IQGAP1: variants seen among roughly 807,000 people sequenced by gnomAD.
IQGAP1 encodes the protein ras GTPase-activating-like protein IQGAP1.
In IQGAP1, 66 loss-of-function variants were observed where a neutral mutation model predicts 215.6. The ratio of observed to expected loss-of-function variants is 0.31; its 90% CI spans 0.25 to 0.38. The LOEUF (loss-of-function observed/expected upper bound fraction) is 0.38, where lower values mean the gene tolerates loss of function less well. IQGAP1 is among the 10% of genes least tolerant of loss of function. IQGAP1 has a pLI of 1.00. For synonymous variants in IQGAP1, 772 were observed against 728.7 expected (o/e 1.06, Z -0.96); for missense variants, 1,712 against 1,997.1 (o/e 0.86, Z 2.72).
At chr15:90,479,791 C>T (rs1292682680) in intron 26 of IQGAP1, among the ~76,000 whole-genome samples, 2 of 151,956 alleles carry the variant, frequency 1.3e-5, no homozygotes, top group East Asian at 1.9e-4. Context: ...GTTCTCAGTA[C>T]CATGTAGGTC....
At position 90,501,480 on chromosome 15, in the gene IQGAP1, T is replaced by C. The variant is rs1391909898; in HGVS notation, c.*1372T>C. 1.3e-5 allele frequency: 2 copies of C among 152,214 alleles called. No individual in the cohort carries two copies. The highest frequency in any genetic ancestry group is 4.8e-5 in the African/African-American group (2 of 41,464). The allele number at this position is 152,214 out of a possible 1,614,324, so 9.4% of individuals were successfully genotyped here. ...TCTTTGATGTTTTGATTCAGTATTC[T>C]TTTATCATAAATTTTTAGCATTTAA... On this transcript the variant is annotated 3_prime_UTR_variant, in exon 38 of 38. Coordinates refer to ENST00000268182, the MANE Select transcript of IQGAP1 (RefSeq NM_003870.4).
chr15:90,474,023 A>T, intron 21 of IQGAP1, 41 bp from the exon 22 acceptor site: 2 of 1,600,976 alleles, frequency 1.2e-6, no homozygotes, highest in East Asian at 4.5e-5. Context: ...TATTTTTGGT[A>T]GACAGATGAA....
rs147271290 is a variant in IQGAP1 at position 90,407,967 on chromosome 15, T to C, written c.155+17094T>C. 2.0e-5 allele frequency among the ~76,000 whole-genome samples: 3 copies of C among 152,324 alleles called. No individual in the cohort carries two copies. In the South Asian group the frequency reaches 6.2e-4, roughly 32 times the overall value. ...TCAGTGTCACAAGGCAATATGTAAT[T>C]GCTGAGGAAATGATGCAAATAGTTA... On this transcript the variant is annotated intron_variant, in intron 2 of 37. Transcript: ENST00000268182.
At chr15:90,468,925 A>AC (rs1476104937) in intron 18 of IQGAP1, among the ~76,000 whole-genome samples, 1 of 151,990 alleles carries the variant, frequency 6.6e-6, no homozygotes, top group Non-Finnish European at 1.5e-5. Flanking sequence ...TCCTTTCCTT[A>AC]CCCCCTTCAT....
chr15:90,400,877 G>A (rs139283944), intron 2 of IQGAP1, among the ~76,000 whole-genome samples: 1 of 152,154 alleles, frequency 6.6e-6, no homozygotes, highest in Non-Finnish European at 1.5e-5. Flanking sequence ...GTCACATCTG[G>A]GGATACCAGT....
chr15:90,473,103 T>A, intron 19 of IQGAP1, 93 bp downstream of exon 19: 5 of 1,188,958 alleles, frequency 4.2e-6, no homozygotes, highest in Non-Finnish European at 6.1e-6. Context: ...TGAGTGTGTT[T>A]TTTGAGTGCT....
chr15:90,468,494 A>G (rs1400223532), intron 18 of IQGAP1, among the ~76,000 whole-genome samples: 2 of 152,208 alleles, frequency 1.3e-5, no homozygotes, highest in African/African-American at 2.4e-5. Context: ...ATATCTGTCA[A>G]AATTCTTTCC....
chr15:90,443,485 A>T lies in IQGAP1; in HGVS notation c.913+7A>T. The T allele has an allele frequency of 6.5e-7, 1 of 1,541,176 alleles. No individual in the cohort carries two copies. Among genetic ancestry groups the T allele is most frequent in the Non-Finnish European group, 9.0e-7 (1 of 1,114,142 alleles). ...AATATAAACAAAGTCAATAGTAAGT[A>T]TGTTCCTGAATCAGGCACCTAAAGG... On this transcript the variant is annotated splice_region_variant and intron_variant, in intron 9 of 37. Transcript: ENST00000268182.
intron 31 of IQGAP1, chr15:90,486,378 C>T (rs1017341686): frequency 3.2e-6 from 1 of 310,070 alleles, no homozygotes; most frequent in Non-Finnish European, 5.8e-6. Context: ...TACATACTGC[C>T]AGCTTGTGTT....
At chr15:90,391,080 T>A (rs961829278) in intron 2 of IQGAP1, 3 of 443,160 alleles carry the variant, frequency 6.8e-6, no homozygotes, top group South Asian at 2.3e-5. Context: ...TACAAAAAAA[T>A]TTTAAAAATT....
At chr15:90,427,342 G>A (rs1245129084) in intron 3 of IQGAP1, among the ~76,000 whole-genome samples, 1 of 152,170 alleles carries the variant, frequency 6.6e-6, no homozygotes, top group Admixed American at 6.5e-5. Context: ...GGAGTTCAAG[G>A]TACAATGGGA....
chr15:90,500,419 A>G lies in IQGAP1; in HGVS notation c.*311A>G, dbSNP rs985646756. 4 of 240,414 alleles carry G rather than the reference A, an allele frequency of 1.7e-5. No homozygotes were observed. The highest frequency in any genetic ancestry group is 1.7e-4 in the East Asian group (2 of 12,076). 14.9% of individuals were successfully genotyped at this position (240,414 alleles called of 1,614,324 possible). A position where few individuals can be genotyped will look rare whatever the true frequency, so the allele number is the denominator to read the frequency against. Reference sequence around the variant, plus strand: ...TTACAGTCTTAGAGGTTGCAGTACTATATTGTAAGCTTTGGTGTTTGTTTA... The same window carrying G: ...TTACAGTCTTAGAGGTTGCAGTACTGTATTGTAAGCTTTGGTGTTTGTTTA... On this transcript the variant is annotated 3_prime_UTR_variant, in exon 38 of 38. Transcript: ENST00000268182.
intron 1 of IQGAP1, among the ~76,000 whole-genome samples, chr15:90,389,446 A>G (rs928915042): frequency 5.3e-5 from 8 of 151,416 alleles, no homozygotes; most frequent in African/African-American, 1.9e-4. Context: ...CCCAGGTTCA[A>G]GCGATTCTCC....
Position 90,388,270 on chromosome 15 carries a change from G to A in IQGAP1, c.-72G>A, listed in dbSNP as rs963980460. On this transcript the variant is annotated 5_prime_UTR_variant, in exon 1 of 38. Coordinates refer to ENST00000268182, the MANE Select transcript of IQGAP1 (RefSeq NM_003870.4). ...CCCGGCAAGCCCGCGCACTTGGCAG[G>A]AGCTGTAGCTACCGCCGTCCGCGCC... The A allele has an allele frequency of 6.5e-7, 1 of 1,539,222 alleles. No individual in the cohort carries two copies. Among genetic ancestry groups the A allele is most frequent in the Non-Finnish European group, 8.9e-7 (1 of 1,129,798 alleles).
chr15:90,438,234 T>C (rs929729265), intron 5 of IQGAP1, among the ~76,000 whole-genome samples: 1 of 152,236 alleles, frequency 6.6e-6, no homozygotes, highest in African/African-American at 2.4e-5. Context: ...TATCTTGCTT[T>C]TGTCAGTATC....
At chr15:90,394,239 C>G (rs1307591323) in intron 2 of IQGAP1, among the ~76,000 whole-genome samples, 1 of 146,934 alleles carries the variant, frequency 6.8e-6, no homozygotes, top group Non-Finnish European at 1.5e-5. Flanking sequence ...ATTACCCTAG[C>G]ACACCCTGCC....
rs150056913 is a variant in IQGAP1, at chr15:90,423,995, T to C, written c.156-2115T>C. 4.2e-4 allele frequency among the ~76,000 whole-genome samples: 64 copies of C among 152,186 alleles called. 1 individual carries two copies. In the East Asian group the frequency reaches 0.012, roughly 29 times the overall value. ...CTTTATCCGTAGTTTTCCCTGTGTG[T>C]TTACTTCATTTTAAAAAGAAAAATA... On this transcript the variant is annotated intron_variant, in intron 2 of 37. Transcript: ENST00000268182.
At chr15:90,497,787 C>G (rs1292002710) in intron 37 of IQGAP1, among the ~76,000 whole-genome samples, 1 of 152,180 alleles carries the variant, frequency 6.6e-6, no homozygotes, top group Non-Finnish European at 1.5e-5. Flanking sequence ...CCAAAAAGAA[C>G]TCGGGAGTAA....
Position 90,494,764 on chromosome 15 carries a change from T to TCTGAAATATACAGCAGCAAGACTA in IQGAP1, c.4682_4705dup (p.Leu1561_Leu1568dup). ...AAGGAAAGAAAAGCAAAAAGATTTC[T>TCTGAAATATACAGCAGCAAGACTA]CTGAAATATACAGCAGCAAGACTAC... On this transcript the variant is annotated inframe_insertion, in exon 36 of 38. Coordinates refer to ENST00000268182, the MANE Select transcript of IQGAP1 (RefSeq NM_003870.4). 6.2e-7 allele frequency: 1 copy of TCTGAAATATACAGCAGCAAGACTA among 1,609,488 alleles called. No individual in the cohort carries two copies. The highest frequency in any genetic ancestry group is 8.5e-7 in the Non-Finnish European group (1 of 1,176,992).
Sources: gnomAD v4.1 joint callset for allele counts (sites outside exome capture counted in the v4.1 genomes callset) on GRCh38, gnomAD v4.1.1 for gene constraint, MANE v1.5 for transcripts, NCBI Gene and HGNC (gene_info 2026-07-23, HGNC 2026-07-21) for gene names.